Variants in MYRIP observed in about 807,000 individuals in gnomAD.
The protein encoded by MYRIP is rab effector MyRIP.
In MYRIP, 49 loss-of-function variants were observed where a neutral mutation model predicts 98.0. That is an observed-to-expected ratio of 0.50 (90% confidence interval 0.40 to 0.63). The LOEUF is 0.63. MYRIP is among the 30% of genes least tolerant of loss of function. MYRIP has a pLI of 0.00. For missense variants in MYRIP, 1,004 were observed against 1,058.2 expected, an observed-to-expected ratio of 0.95 and a Z score of 0.71; for synonymous variants, 404 against 409.5, an observed-to-expected ratio of 0.99 and a Z score of 0.16.
At chr3:40,085,878 A>C (rs1184325974) in intron 3 of MYRIP, among the ~76,000 whole-genome samples, 1 of 152,214 alleles carries the variant, frequency 6.6e-6, no homozygotes, top group African/African-American at 2.4e-5. Context: ...GACATTCAAG[A>C]CAATCATATG....
At chr3:39,889,643 G>T (rs9823380) in intron 1 of MYRIP, among the ~76,000 whole-genome samples, 74 of 152,030 alleles carry the variant, frequency 4.9e-4, no homozygotes, top group African/African-American at 1.6e-3. Flanking sequence ...ACTAACCTGC[G>T]CATTGTGCAC....
At chr3:40,023,196 G>A (rs937989001) in intron 2 of MYRIP, among the ~76,000 whole-genome samples, 5 of 152,176 alleles carry the variant, frequency 3.3e-5, no homozygotes, top group Non-Finnish European at 7.3e-5. Flanking sequence ...ATGGTCACAA[G>A]TGCAGATGTC....
intron 4 of MYRIP, among the ~76,000 whole-genome samples, chr3:40,156,205 A>G (rs1173681917): frequency 1.3e-5 from 2 of 151,670 alleles, no homozygotes; most frequent in African/African-American, 4.8e-5. Flanking sequence ...TCAGCTTTCT[A>G]CATATGGCTA....
intron 1 of MYRIP, among the ~76,000 whole-genome samples, chr3:39,876,396 G>T (rs1006680561): frequency 6.6e-6 from 1 of 152,132 alleles, no homozygotes; most frequent in African/African-American, 2.4e-5. Context: ...GATGTTAGCT[G>T]GTTATTTTGC....
chr3:40,234,132 G>C, intron 12 of MYRIP, 79 bp downstream of exon 12: 1 of 1,413,018 alleles, frequency 7.1e-7, no homozygotes, highest in Non-Finnish European at 9.5e-7. Context: ...TTATCGTGAA[G>C]AGTGCAAGGA....
intron 3 of MYRIP, among the ~76,000 whole-genome samples, chr3:40,127,341 C>T (rs994063653): frequency 6.6e-6 from 1 of 152,102 alleles, no homozygotes; most frequent in Non-Finnish European, 1.5e-5. Context: ...GAGAGGTTAG[C>T]GACTTGCTTT....
intron 2 of MYRIP, among the ~76,000 whole-genome samples, chr3:39,991,128 A>T (rs538544901): frequency 6.6e-6 from 1 of 152,328 alleles, no homozygotes; most frequent in Admixed American, 6.5e-5. Context: ...TGTATGTGTA[A>T]CCCAGAACTT....
chr3:39,866,502 C>T (rs1366555727), intron 1 of MYRIP, among the ~76,000 whole-genome samples: 5 of 152,026 alleles, frequency 3.3e-5, no homozygotes, highest in Admixed American at 6.6e-5. Flanking sequence ...CGGAGTTTCG[C>T]TCTTGTTGCC....
chr3:40,257,118 G>A (rs1401377471), intron 16 of MYRIP, among the ~76,000 whole-genome samples: 3 of 152,168 alleles, frequency 2.0e-5, no homozygotes, highest in African/African-American at 7.2e-5. Flanking sequence ...TTGAGGCCAG[G>A]AGTTCAAGAC....
At chr3:40,211,957 G>C (rs1436708446) in intron 11 of MYRIP, among the ~76,000 whole-genome samples, 11 of 151,836 alleles carry the variant, frequency 7.2e-5, no homozygotes, top group Admixed American at 7.2e-4. Context: ...AATTAAGAGA[G>C]TTGGCTTTAT....
Position 39,952,667 on chromosome 3 carries a change from A to G in MYRIP, c.110+51741A>G, listed in dbSNP as rs748724715. The stretch of plus-strand genomic sequence containing the variant: ...TACCGCCTCATAGAATGAAATACGA[A>G]GTGTTTTTTCCTAAACTCTGTTTCC... On this transcript the variant is annotated intron_variant, in intron 2 of 16. Coordinates refer to ENST00000302541, the MANE Select transcript of MYRIP (RefSeq NM_015460.4). Among the ~76,000 whole-genome samples, 6 of 152,300 alleles carry G rather than the reference A, an allele frequency of 3.9e-5. No homozygotes were observed. In the South Asian group the frequency reaches 6.2e-4, roughly 16 times the overall value.
intron 1 of MYRIP, among the ~76,000 whole-genome samples, chr3:39,839,817 TG>T (rs1388975344): frequency 6.6e-6 from 1 of 152,242 alleles, no homozygotes; most frequent in African/African-American, 2.4e-5. Context: ...AGTTCTATTT[TG>T]TTTGCACTGT....
At chr3:39,879,820 G>T (rs149371983) in intron 1 of MYRIP, among the ~76,000 whole-genome samples, 3 of 152,138 alleles carry the variant, frequency 2.0e-5, no homozygotes, top group African/African-American at 7.2e-5. Context: ...TCTGGGATCA[G>T]ACAAGGATTT....
At chr3:39,980,900 G>T (rs986943118) in intron 2 of MYRIP, among the ~76,000 whole-genome samples, 2 of 152,160 alleles carry the variant, frequency 1.3e-5, no homozygotes, top group Non-Finnish European at 2.9e-5. Context: ...AGGAATTGGG[G>T]AGTTATTATT....
At chr3:40,092,255 G>T (rs1948747504) in intron 3 of MYRIP, among the ~76,000 whole-genome samples, 1 of 152,132 alleles carries the variant, frequency 6.6e-6, no homozygotes, top group Non-Finnish European at 1.5e-5. Context: ...TTTGCTGCTT[G>T]TTCATCATCA....
chr3:40,248,081 A>G (rs1001163895), intron 13 of MYRIP: 2 of 152,266 alleles, frequency 1.3e-5, no homozygotes, highest in Non-Finnish European at 2.9e-5. Flanking sequence ...TTCACAGAGG[A>G]TTTCTTGCAG....
At chr3:40,016,350 C>A (rs537825181) in intron 2 of MYRIP, among the ~76,000 whole-genome samples, 11 of 152,140 alleles carry the variant, frequency 7.2e-5, no homozygotes, top group Non-Finnish European at 1.3e-4. Flanking sequence ...GAGTGTGGGG[C>A]AGCTGCGAGC....
intron 2 of MYRIP, among the ~76,000 whole-genome samples, chr3:39,959,905 A>G (rs1362483149): frequency 6.6e-6 from 1 of 152,090 alleles, no homozygotes; most frequent in African/African-American, 2.4e-5. Flanking sequence ...ATTCCTTATC[A>G]ACTTAGTGCC....
At chr3:39,825,167 A>G (rs942778666) in intron 1 of MYRIP, among the ~76,000 whole-genome samples, 5 of 152,054 alleles carry the variant, frequency 3.3e-5, no homozygotes, top group Admixed American at 3.3e-4. Context: ...TTTCTTTTCT[A>G]TTTGGATGCC....
Sources: allele counts gnomAD v4.1 joint callset (sites outside exome capture counted in the v4.1 genomes callset), GRCh38; gene constraint gnomAD v4.1.1; transcripts MANE v1.5; gene names NCBI Gene and HGNC (gene_info 2026-07-23, HGNC 2026-07-21).